The following DSG2 variants were observed in gnomAD, a reference collection of about 807,000 sequenced individuals.
DSG2 encodes the protein desmoglein 2.
DSG2 carries 45 observed loss-of-function variants against 75.6 expected under a neutral mutation model. The observed-to-expected ratio is 0.60, with a 90% CI of 0.47 to 0.76. DSG2 has a LOEUF of 0.76. DSG2 is among the 30% of genes least tolerant of loss of function. The pLI is 0.00. For missense variants in DSG2, 1,267 were observed against 1,357.4 expected (o/e 0.93, Z 1.05); for synonymous variants, 429 against 483.9 (o/e 0.89, Z 1.49).
Position 31,545,824 on chromosome 18 carries a change from G to A in DSG2, c.2438G>A (p.Cys813Tyr). 6.2e-7 allele frequency: 1 copy of A among 1,614,170 alleles called. No individual in the cohort carries two copies. The highest frequency in any genetic ancestry group is 8.5e-7 in the Non-Finnish European group (1 of 1,180,038). Reference protein sequence around the residue: ...ETESLNASIGCCSFIEGELDD... With the variant: ...ETESLNASIGYCSFIEGELDD... ...GAATCGCTGAATGCTTCTATTGGTT[G>A]TTGCAGTTTTATTGAAGGAGAGCTA... The change falls in exon 15 of 15, where the codon TGT (cysteine) becomes TAT (tyrosine). Residue 813 changes from cysteine (C) to tyrosine (Y), a missense_variant. Cys to Tyr is a radical substitution (Grantham distance 194). Coordinates refer to ENST00000261590, the MANE Select transcript of DSG2 (RefSeq NM_001943.5).
chr18:31,538,759 G>GTGC lies in DSG2; in HGVS notation c.1667_1669dup (p.Leu556dup). ...GCCTCCCAACCTTGTAGGTACCAGTGTGCTGCTGCAACAAAGTGAGAAAAA... is the reference window on the plus strand; with the variant it reads ...GCCTCCCAACCTTGTAGGTACCAGTGTGCTGCTGCTGCAACAAAGTGAGAAAAA... On this transcript the variant is annotated inframe_insertion, in exon 12 of 15. Coordinates refer to ENST00000261590, the MANE Select transcript of DSG2 (RefSeq NM_001943.5). 6.2e-7 allele frequency: 1 copy of GTGC among 1,614,098 alleles called. No homozygotes were observed. The highest frequency in any genetic ancestry group is 8.5e-7 in the Non-Finnish European group (1 of 1,179,946).
intron 1 of DSG2, among the ~76,000 whole-genome samples, chr18:31,508,163 A>G (rs545688913): frequency 1.3e-5 from 2 of 152,140 alleles, no homozygotes; most frequent in African/African-American, 4.8e-5. Flanking sequence ...AGTTTTCCCA[A>G]CACCATAAAA....
intron 3 of DSG2, among the ~76,000 whole-genome samples, chr18:31,520,497 T>C (rs907189127): frequency 5.9e-5 from 9 of 152,226 alleles, no homozygotes; most frequent in African/African-American, 2.2e-4. Context: ...TCATAAGTTC[T>C]ACCCATTTTG....
chr18:31,533,996 T>TTC (rs973133953), intron 9 of DSG2, among the ~76,000 whole-genome samples: 3 of 148,298 alleles, frequency 2.0e-5, no homozygotes, highest in Non-Finnish European at 4.5e-5. Flanking sequence ...TTTTTCTTTT[T>TTC]TTTTTTTTTT....
chr18:31,511,424 C>T (rs192721115), intron 1 of DSG2, among the ~76,000 whole-genome samples: 15 of 152,240 alleles, frequency 9.9e-5, no homozygotes, highest in Admixed American at 7.8e-4. Context: ...TAGTGGAGAA[C>T]GATTGGTCTA....
intron 8 of DSG2, among the ~76,000 whole-genome samples, chr18:31,530,345 T>A (rs1199709703): frequency 1.3e-5 from 2 of 152,204 alleles, no homozygotes; most frequent in African/African-American, 2.4e-5. Flanking sequence ...TTATACTGAA[T>A]GCCCACTAAT....
At chr18:31,544,022 T>C (rs969820314) in intron 14 of DSG2, among the ~76,000 whole-genome samples, 1 of 152,122 alleles carries the variant, frequency 6.6e-6, no homozygotes, top group Non-Finnish European at 1.5e-5. Context: ...TAACAGAAAT[T>C]TTTAAAACTT....
chr18:31,543,730 C>T (rs2073285301), intron 14 of DSG2, among the ~76,000 whole-genome samples: 1 of 151,916 alleles, frequency 6.6e-6, no homozygotes. Flanking sequence ...GCTGGGCATG[C>T]TGGCACACAC....
Position 31,547,173 on chromosome 18 carries a change from C to T in DSG2, c.*430C>T, listed in dbSNP as rs2073318812. On this transcript the variant is annotated 3_prime_UTR_variant, in exon 15 of 15. Coordinates refer to ENST00000261590, the MANE Select transcript of DSG2 (RefSeq NM_001943.5). Reference sequence around the variant, plus strand: ...ATGTTCTGTATTCTGTACTTTACTGCACCCAGCAGACTTTCAACAACTCAT... The same window carrying T: ...ATGTTCTGTATTCTGTACTTTACTGTACCCAGCAGACTTTCAACAACTCAT... 1 of 283,714 alleles carries T rather than the reference C, an allele frequency of 3.5e-6. No homozygotes were observed. Among genetic ancestry groups the T allele is most frequent in the Admixed American group, 4.8e-5 (1 of 20,814 alleles). The allele number at this position is 283,714 out of a possible 1,614,324, so 17.6% of individuals were successfully genotyped here. A position where few individuals can be genotyped will look rare whatever the true frequency, so the allele number is the denominator to read the frequency against.
chr18:31,547,202 TC>T lies in DSG2; in HGVS notation c.*461del. The stretch of plus-strand genomic sequence containing the variant: ...CAGCAGACTTTCAACAACTCATTGA[TC>T]CAAAGATACATGCACAGTCTGAGCA... On this transcript the variant is annotated 3_prime_UTR_variant, in exon 15 of 15. Coordinates refer to ENST00000261590, the MANE Select transcript of DSG2 (RefSeq NM_001943.5). 2 of 267,184 alleles carry T rather than the reference TC, an allele frequency of 7.5e-6. No individual in the cohort carries two copies. The highest frequency in any genetic ancestry group is 9.3e-5 in the South Asian group (2 of 21,486). The allele number at this position is 267,184 out of a possible 1,614,324, so 16.6% of individuals were successfully genotyped here.
chr18:31,516,668 T>C (rs2073096204), intron 1 of DSG2, among the ~76,000 whole-genome samples: 2 of 152,200 alleles, frequency 1.3e-5, no homozygotes, highest in African/African-American at 4.8e-5. Context: ...AAAGAGCAGC[T>C]ATTTGAGAGC....
chr18:31,542,396 C>G, intron 13 of DSG2, 124 bp from the exon 14 acceptor site: 1 of 950,592 alleles, frequency 1.1e-6, no homozygotes, highest in South Asian at 1.3e-5. Flanking sequence ...AATACTTTTT[C>G]TAACTGGCCT....
Position 31,547,737 on chromosome 18 carries a change from T to C in DSG2, c.*994T>C, listed in dbSNP as rs2073325113. 6.6e-6 allele frequency: 1 copy of C among 151,814 alleles called. No homozygotes were observed. Among genetic ancestry groups the C allele is most frequent in the Non-Finnish European group, 1.5e-5 (1 of 67,970 alleles). 9.4% of individuals were successfully genotyped at this position (151,814 alleles called of 1,614,324 possible). ...TACCTCTTCCTTGTCTCAACCGCCA[T>C]GAAAATTCTGAACACTCCAAATTCA... On this transcript the variant is annotated 3_prime_UTR_variant, in exon 15 of 15. Coordinates refer to ENST00000261590, the MANE Select transcript of DSG2 (RefSeq NM_001943.5).
intron 6 of DSG2, chr18:31,522,598 C>T (rs2073135478): frequency 5.6e-6 from 1 of 177,174 alleles, no homozygotes; most frequent in Non-Finnish European, 1.2e-5. Flanking sequence ...ATAAAATATA[C>T]TTGTTTAAAA....
chr18:31,531,489 A>G (rs1370457861), intron 9 of DSG2, among the ~76,000 whole-genome samples: 3 of 152,206 alleles, frequency 2.0e-5, no homozygotes, highest in Admixed American at 6.5e-5. Context: ...TTTACTCACC[A>G]CTGAAACAGT....
At position 31,538,919 on chromosome 18, in the gene DSG2, A is replaced by G. The variant is rs766843045; in HGVS notation, c.1820A>G (p.Tyr607Cys). The change falls in exon 12 of 15, where the codon TAT becomes TGT. Residue 607 changes from tyrosine to cysteine, a missense_variant. Tyr to Cys is a radical substitution (Grantham distance 194). Coordinates refer to ENST00000261590, the MANE Select transcript of DSG2 (RefSeq NM_001943.5). ...SGCREAQHDS[Y>C]VGLGPAAIAL... Reference sequence around the variant, plus strand: ...TGCAGGGAAGCACAGCATGACTCCTATGTGGGCCTGGGACCCGCAGCAATT... The same window carrying G: ...TGCAGGGAAGCACAGCATGACTCCTGTGTGGGCCTGGGACCCGCAGCAATT... The G allele has an allele frequency of 1.5e-5, 25 of 1,613,982 alleles. No individual in the cohort carries two copies. Among genetic ancestry groups the G allele is most frequent in the African/African-American group, 1.1e-4 (8 of 74,910 alleles).
intron 10 of DSG2, 105 bp downstream of exon 10, chr18:31,535,517 C>T (rs1327293850): frequency 2.0e-5 from 21 of 1,066,252 alleles, no homozygotes; most frequent in South Asian, 1.9e-4. Context: ...TAATCTCGGC[C>T]GGGAGCAGTG....
intron 6 of DSG2, among the ~76,000 whole-genome samples, chr18:31,523,261 T>C (rs1022894924): frequency 1.2e-4 from 18 of 151,782 alleles, no homozygotes; most frequent in Non-Finnish European, 2.4e-4. Flanking sequence ...ATTAGCTGGG[T>C]GTGGTGGCGG....
intron 3 of DSG2, among the ~76,000 whole-genome samples, chr18:31,520,457 C>T (rs138360966): frequency 0.01 from 1,544 of 152,126 alleles, 15 homozygotes; most frequent in Middle Eastern, 0.044. Flanking sequence ...AAACATAAAC[C>T]CTTCATTTTT....
Sources: gnomAD v4.1 joint callset for allele counts (sites outside exome capture counted in the v4.1 genomes callset) on GRCh38, gnomAD v4.1.1 for gene constraint, MANE v1.5 for transcripts, NCBI Gene and HGNC (gene_info 2026-07-23, HGNC 2026-07-21) for gene names.